Variants in INO80 observed in about 807,000 individuals in gnomAD.
INO80 encodes chromatin-remodeling ATPase INO80.
INO80 carries 20 observed loss-of-function variants against 203.4 expected under a neutral mutation model. The ratio of observed to expected loss-of-function variants is 0.10; its 90% confidence interval spans 0.07 to 0.14. INO80 has a LOEUF of 0.14. Ranked by LOEUF, INO80 falls within the 10% of genes least tolerant of loss-of-function variation. INO80 has a pLI of 1.00. For missense variants in INO80, 1,419 were observed against 1,914.4 expected, an observed-to-expected ratio of 0.74 and a Z score of 4.83; for synonymous variants, 726 against 685.2, an observed-to-expected ratio of 1.06 and a Z score of -0.93.
intron 5 of INO80, among the ~76,000 whole-genome samples, chr15:41,090,318 G>C (rs538024028): frequency 2.0e-5 from 3 of 152,316 alleles, no homozygotes; most frequent in Non-Finnish European, 4.4e-5. Flanking sequence ...GCTCACGCCT[G>C]TAATCCCAGC....
chr15:41,018,200 C>G (rs2044239032), intron 26 of INO80: 1 of 151,864 alleles, frequency 6.6e-6, no homozygotes, highest in Admixed American at 6.6e-5. Flanking sequence ...ATTTCTGTAG[C>G]CTGCTTATCT....
At chr15:41,095,487 GA>G in intron 4 of INO80, 113 bp downstream of exon 4, 1 of 740,138 alleles carries the variant, frequency 1.4e-6, no homozygotes, top group South Asian at 1.7e-5. Context: ...TCCAGTATAA[GA>G]GAATCATATT....
At chr15:41,069,721 A>T (rs893025327) in intron 13 of INO80, 56 bp from the exon 14 acceptor site, 9 of 963,680 alleles carry the variant, frequency 9.3e-6, no homozygotes, top group Non-Finnish European at 3.2e-6. Context: ...TATTTAATTC[A>T]AAATTATAAT....
chr15:41,086,662 A>C (rs935526880), intron 6 of INO80, among the ~76,000 whole-genome samples: 16 of 152,170 alleles, frequency 1.1e-4, no homozygotes, highest in Non-Finnish European at 2.1e-4. Context: ...AAAAAAAAAA[A>C]AAAGAAATTA....
chr15:41,114,873 G>A (rs2046007290), intron 1 of INO80, among the ~76,000 whole-genome samples: 1 of 152,122 alleles, frequency 6.6e-6, no homozygotes, highest in Admixed American at 6.6e-5. Flanking sequence ...AAGACTGGAG[G>A]GAGGGGGAAT....
intron 1 of INO80, among the ~76,000 whole-genome samples, chr15:41,102,841 T>C (rs1370828418): frequency 1.3e-5 from 2 of 151,834 alleles, no homozygotes; most frequent in Admixed American, 6.6e-5. Context: ...TTTGAAAACT[T>C]GGACTATTCC....
At chr15:41,056,793 C>T in intron 16 of INO80, 87 bp from the exon 17 acceptor site, 2 of 1,065,550 alleles carry the variant, frequency 1.9e-6, no homozygotes, top group Non-Finnish European at 2.9e-6. Flanking sequence ...ACAAAAATGC[C>T]TTCCAAAAAA....
intron 26 of INO80, among the ~76,000 whole-genome samples, 193 bp from the exon 27 acceptor site, chr15:41,016,408 T>G (rs1201949972): frequency 1.3e-5 from 2 of 152,096 alleles, no homozygotes; most frequent in Non-Finnish European, 2.9e-5. Context: ...GGAAAAAACA[T>G]CCCCAAAGGG....
At chr15:41,107,137 T>C (rs2045891600) in intron 1 of INO80, among the ~76,000 whole-genome samples, 2 of 152,254 alleles carry the variant, frequency 1.3e-5, no homozygotes, top group Admixed American at 6.5e-5. Context: ...GTTTCTCCTG[T>C]CAAGATTTGC....
chr15:40,986,947 T>C (rs2043743673), intron 31 of INO80, 144 bp downstream of exon 31: 1 of 543,106 alleles, frequency 1.8e-6, no homozygotes, highest in Non-Finnish European at 3.3e-6. Flanking sequence ...AACACATTCT[T>C]GTTTGGGTTT....
intron 27 of INO80, among the ~76,000 whole-genome samples, chr15:41,012,561 TAAA>T (rs71104767): frequency 2.2e-5 from 2 of 90,848 alleles, no homozygotes; most frequent in South Asian, 4.5e-4. Context: ...AGACTCTTTT[TAAA>T]AAAAAAAAAA....
intron 7 of INO80, among the ~76,000 whole-genome samples, chr15:41,084,403 A>C (rs557748517): frequency 6.6e-6 from 1 of 152,046 alleles, no homozygotes; most frequent in South Asian, 2.1e-4. Flanking sequence ...CTACCAAAAT[A>C]CAAAAATTAG....
At chr15:40,982,277 G>GCA (rs1893859186) in intron 35 of INO80, among the ~76,000 whole-genome samples, 1 of 152,188 alleles carries the variant, frequency 6.6e-6, no homozygotes, top group African/African-American at 2.4e-5. Flanking sequence ...CTCCCAAGTA[G>GCA]CTGGGACTAC....
In INO80 at chr15:41,085,750, C is replaced by T. The variant is rs78258955; in HGVS notation, c.659-167G>A. Among the ~76,000 whole-genome samples, 427 of 152,220 alleles carry T rather than the reference C, an allele frequency of 2.8e-3. 1 individual carries two copies. The highest frequency in any genetic ancestry group is 9.7e-3 in the African/African-American group (402 of 41,536). On this transcript the variant is annotated intron_variant, in intron 6 of 35. Transcript: ENST00000648947. ...AATATTCCTTGAGGAAGAAAAGTAA[C>T]AGAGAAGAAGAAACATACTGATTGA...
chr15:41,085,509 G>T lies in INO80; in HGVS notation c.733C>A (p.His245Asn). ...TTGGCAAAGACTTTGGTCTGGTGGT[G>T]ATGGCGACGAGGGGATTCTTCAGAG... ...LSSEESPRRH[H>N]HQTKVFAKFS... Residue 245 changes from histidine to asparagine, a missense_variant, in exon 7 of 36, where the codon CAC becomes AAC. Around this residue, in one of 9 missense-constraint regions of INO80, gnomAD observed 323 missense variants for 325.4 expected, o/e 0.99. Transcript: ENST00000648947. 4 of 1,614,198 alleles carry T rather than the reference G, an allele frequency of 2.5e-6. No individual in the cohort carries two copies. The highest frequency in any genetic ancestry group is 3.4e-6 in the Non-Finnish European group (4 of 1,180,044).
intron 27 of INO80, 47 bp from the exon 28 acceptor site, chr15:41,005,734 G>A (rs1340373394): frequency 1.9e-6 from 2 of 1,072,550 alleles, no homozygotes; most frequent in Non-Finnish European, 2.9e-6. Context: ...GCAAATTACT[G>A]TATTCTGATT....
chr15:41,095,935 A>G lies in INO80; in HGVS notation c.144-7T>C. 6.2e-7 allele frequency: 1 copy of G among 1,612,332 alleles called. No individual in the cohort carries two copies. The highest frequency in any genetic ancestry group is 8.5e-7 in the Non-Finnish European group (1 of 1,178,670). On this transcript the variant is annotated splice_polypyrimidine_tract_variant and splice_region_variant and intron_variant, in intron 2 of 35. Coordinates refer to ENST00000648947, the MANE Select transcript of INO80 (RefSeq NM_017553.3). ...TCCATCTTCACTGTCATCACTATAA[A>G]TTGAAGAATGAGTCCACAATTACAG...
In INO80 at chr15:41,059,856, T is replaced by G; in HGVS notation, c.1842+11A>C. 2 of 1,584,588 alleles carry G rather than the reference T, an allele frequency of 1.3e-6. No individual in the cohort carries two copies. Among genetic ancestry groups the G allele is most frequent in the South Asian group, 1.1e-5 (1 of 89,712 alleles). On this transcript the variant is annotated intron_variant, in intron 15 of 35. Transcript: ENST00000648947. ...ACGGTACGTATGTATGCAGTTTAAG[T>G]AGAATGTTACCTGACTCCAGAACCT...
chr15:41,010,111 A>T (rs139534483), intron 27 of INO80, among the ~76,000 whole-genome samples: 21 of 152,350 alleles, frequency 1.4e-4, no homozygotes, highest in Non-Finnish European at 2.9e-4. Flanking sequence ...CTCTGCTTGC[A>T]TGCCACTGAT....
Sources: gnomAD v4.1 joint callset for allele counts (sites outside exome capture counted in the v4.1 genomes callset) on GRCh38, gnomAD v4.1.1 for gene constraint, gnomAD v4.1.1 regional missense constraint, MANE v1.5 for transcripts, NCBI Gene and HGNC (gene_info 2026-07-23, HGNC 2026-07-21) for gene names.